Variants in CDRT4 observed in about 807,000 individuals in gnomAD.
The protein encoded by CDRT4 is CMT1A duplicated region transcript 4, also known as CMT1A duplicated region transcript 4 protein.
For synonymous variants in CDRT4, 64 were observed against 69.6 expected, an observed-to-expected ratio of 0.92 and a Z score of 0.40; for missense variants, 167 against 193.1, an observed-to-expected ratio of 0.87 and a Z score of 0.80.
At chr17:15,451,117 TAACTGAA>T (rs1245575289) in intron 2 of CDRT4, among the ~76,000 whole-genome samples, 1 of 152,070 alleles carries the variant, frequency 6.6e-6, no homozygotes, top group Non-Finnish European at 1.5e-5. Context: ...TGGTGGGAGG[TAACTGAA>T]TCATGGGGGT....
intron 2 of CDRT4, among the ~76,000 whole-genome samples, chr17:15,451,029 T>C (rs1256073503): frequency 6.6e-6 from 1 of 152,198 alleles, no homozygotes; most frequent in East Asian, 1.9e-4. Context: ...TCCCCTATGA[T>C]ATGATTTGGC....
Position 15,454,314 on chromosome 17 carries a change from C to T in CDRT4, c.-129-1229G>A, listed in dbSNP as rs1161374017. On this transcript the variant is annotated intron_variant, in intron 1 of 3. Transcript: ENST00000619038. The stretch of plus-strand genomic sequence containing the variant: ...CCCAGGTGGGTCCCAGGCATCTAGG[C>T]CCACCTGCAGCCACATACATACACA... 2.0e-5 allele frequency among the ~76,000 whole-genome samples: 3 copies of T among 152,160 alleles called. No individual in the cohort carries two copies. The East Asian group carries it at 5.8e-4, about 29-fold the overall frequency.
At chr17:15,439,258 C>T in intron 3 of CDRT4, 1 of 420,392 alleles carries the variant, frequency 2.4e-6, no homozygotes, top group South Asian at 1.7e-5. Context: ...TTGCCATCTC[C>T]AAATTGAATG....
intron 1 of CDRT4, among the ~76,000 whole-genome samples, chr17:15,463,211 G>C (rs1979837878): frequency 6.6e-6 from 1 of 152,076 alleles, no homozygotes; most frequent in Non-Finnish European, 1.5e-5. Context: ...AGTGGGTAGG[G>C]GAGGGCTAGG....
At chr17:15,463,520 C>T (rs1384540802) in intron 1 of CDRT4, among the ~76,000 whole-genome samples, 1 of 152,072 alleles carries the variant, frequency 6.6e-6, no homozygotes, top group East Asian at 1.9e-4. Flanking sequence ...CAACTATTTC[C>T]CAGGCAGCAG....
chr17:15,438,515 C>T (rs1444378730), intron 3 of CDRT4, among the ~76,000 whole-genome samples: 1 of 152,174 alleles, frequency 6.6e-6, no homozygotes, highest in Non-Finnish European at 1.5e-5. Flanking sequence ...AATGGTTAGT[C>T]TAAGGCCTGA....
At chr17:15,466,644 C>T (rs1980055779) in intron 1 of CDRT4, among the ~76,000 whole-genome samples, 1 of 152,156 alleles carries the variant, frequency 6.6e-6, no homozygotes, top group African/African-American at 2.4e-5. Context: ...ACACTCAATA[C>T]AGACACACAC....
intron 1 of CDRT4, 29 bp from the exon 2 acceptor site, chr17:15,453,114 C>T (rs961195987): frequency 2.0e-5 from 3 of 152,186 alleles, no homozygotes; most frequent in African/African-American, 7.2e-5. Context: ...GGAAGGTTAA[C>T]TGGCAACATT....
chr17:15,460,604 G>T (rs951277404), intron 1 of CDRT4, among the ~76,000 whole-genome samples: 5 of 152,204 alleles, frequency 3.3e-5, no homozygotes, highest in Admixed American at 1.3e-4. Context: ...GATCAAACAT[G>T]TTGCCCCAGT....
rs773496151 is a variant in CDRT4, at chr17:15,440,246, T to C, written c.-8A>G. ...CATCCTTCTTGCATCCATCTTCTTT[T>C]TAATATTTACTGATTTCTTAACATC... On this transcript the variant is annotated 5_prime_UTR_variant, in exon 3 of 4. Coordinates refer to ENST00000619038, the MANE Select transcript of CDRT4 (RefSeq NM_001204477.2). 2 of 1,613,596 alleles carry C rather than the reference T, an allele frequency of 1.2e-6. No individual in the cohort carries two copies. Among genetic ancestry groups the C allele is most frequent in the Admixed American group, 3.3e-5 (2 of 60,018 alleles).
chr17:15,465,173 AGACACAC>A (rs1979957349), intron 1 of CDRT4, among the ~76,000 whole-genome samples: 1 of 129,008 alleles, frequency 7.8e-6, no homozygotes, highest in African/African-American at 3.4e-5. Context: ...ACCAACACAC[AGACACAC>A]AACACACATA....
At chr17:15,467,426 T>C (rs376948901) in intron 1 of CDRT4, 34 bp downstream of exon 1, 13 of 152,356 alleles carry the variant, frequency 8.5e-5, no homozygotes, top group African/African-American at 2.4e-4. Flanking sequence ...CTTCCCTCTC[T>C]GGGGACACCC....
At chr17:15,441,118 T>C (rs953296786) in intron 2 of CDRT4, among the ~76,000 whole-genome samples, 1 of 152,246 alleles carries the variant, frequency 6.6e-6, no homozygotes, top group Non-Finnish European at 1.5e-5. Flanking sequence ...GCCATCTCTT[T>C]GGCCTTTAAG....
chr17:15,455,903 T>C (rs1309056623), intron 1 of CDRT4, among the ~76,000 whole-genome samples: 1 of 152,184 alleles, frequency 6.6e-6, no homozygotes, highest in Non-Finnish European at 1.5e-5. Context: ...AGCTAAGGCA[T>C]ACCCAGGTTC....
At chr17:15,444,203 T>C in intron 2 of CDRT4, 3 of 931,790 alleles carry the variant, frequency 3.2e-6, no homozygotes, top group Non-Finnish European at 5.1e-6. Flanking sequence ...ATCTAAGAGA[T>C]GTCCAGCTAC....
At chr17:15,444,086 G>A (rs1296541269) in intron 2 of CDRT4, 49 of 1,160,660 alleles carry the variant, frequency 4.2e-5, no homozygotes, top group Middle Eastern at 5.7e-4. Flanking sequence ...CAAATTCAGC[G>A]ACTTTGATTC....
chr17:15,447,017 G>GACCC (rs1202346883), intron 2 of CDRT4, among the ~76,000 whole-genome samples: 2 of 152,070 alleles, frequency 1.3e-5, no homozygotes, highest in African/African-American at 4.8e-5. Flanking sequence ...ACTCACCCAG[G>GACCC]ACCCACTGTG....
In CDRT4 at chr17:15,444,344, G is replaced by A. The variant is rs149983060; in HGVS notation, c.-47-4059C>T. The stretch of plus-strand genomic sequence containing the variant: ...CTAAACCCAGTGGTCCCCAAACTTT[G>A]CAGCACATTGGAATTACTAGGGATC... On this transcript the variant is annotated intron_variant, in intron 2 of 3. Coordinates refer to ENST00000619038, the MANE Select transcript of CDRT4 (RefSeq NM_001204477.2). 3.5e-3 allele frequency among the ~76,000 whole-genome samples: 527 copies of A among 152,192 alleles called. 2 individuals are homozygous for A. The highest frequency in any genetic ancestry group is 6.2e-3 in the Admixed American group (95 of 15,286).
At position 15,437,607 on chromosome 17, in the gene CDRT4, G is replaced by C; in HGVS notation, c.*166C>G. 1.4e-6 allele frequency: 1 copy of C among 698,476 alleles called. No homozygotes were observed. The highest frequency in any genetic ancestry group is 1.9e-5 in the South Asian group (1 of 51,404). 43.3% of individuals were successfully genotyped at this position (698,476 alleles called of 1,614,324 possible). ...ACACTCACCCACCCACCTACAGCTT[G>C]CATTCTGATCTGGTTTCTCTTAGCC... On this transcript the variant is annotated 3_prime_UTR_variant, in exon 4 of 4. Coordinates refer to ENST00000619038, the MANE Select transcript of CDRT4 (RefSeq NM_001204477.2).
Sources: gnomAD v4.1 joint callset for allele counts (sites outside exome capture counted in the v4.1 genomes callset) on GRCh38, gnomAD v4.1.1 for gene constraint, MANE v1.5 for transcripts, NCBI Gene and HGNC (gene_info 2026-07-23, HGNC 2026-07-21) for gene names.